ASAP1: variants seen among roughly 807,000 people sequenced by gnomAD.
ASAP1 encodes the protein ArfGAP with SH3 domain, ankyrin repeat and PH domain 1.
Under a neutral mutation model 145.2 loss-of-function variants are expected in ASAP1, and 43 were observed. That is an observed-to-expected ratio of 0.30 (90% CI 0.23 to 0.38). The LOEUF is 0.38. ASAP1 is among the 10% of genes least tolerant of loss of function. ASAP1 has a pLI of 1.00. For missense variants in ASAP1, 1,018 were observed against 1,355.3 expected (o/e 0.75, Z 3.91); for synonymous variants, 546 against 515.5 (o/e 1.06, Z -0.80).
chr8:130,259,802 T>C (rs1819783336), intron 3 of ASAP1, among the ~76,000 whole-genome samples: 3 of 152,182 alleles, frequency 2.0e-5, no homozygotes, highest in Non-Finnish European at 4.4e-5. Context: ...TTTAATTCAA[T>C]GAACTTCACA....
At chr8:130,072,336 G>A (rs1231130871) in intron 27 of ASAP1, among the ~76,000 whole-genome samples, 1 of 152,130 alleles carries the variant, frequency 6.6e-6, no homozygotes, top group Non-Finnish European at 1.5e-5. Context: ...AATCATGGGG[G>A]CAGTTCCCCC....
intron 3 of ASAP1, among the ~76,000 whole-genome samples, chr8:130,342,029 A>T (rs1825416024): frequency 1.3e-5 from 2 of 152,150 alleles, no homozygotes; most frequent in South Asian, 4.1e-4. Context: ...AGGCATTTAT[A>T]CCTTTGAGTG....
rs1586856054 is a variant in ASAP1, at chr8:130,337,389, A to ACCCT, written c.186+20627_186+20628insAGGG. On this transcript the variant is annotated intron_variant, in intron 3 of 29. Transcript: ENST00000518721. ...CACCTGCATTTGATTCCTCATTGAT[A>ACCCT]ATCAAGGCAACTTTTTGCTTTTTTA... is the stretch of plus-strand genomic sequence containing the variant. Among the ~76,000 whole-genome samples the ACCCT allele has an allele frequency of 2.0e-5, 3 of 152,334 alleles. No individual in the cohort carries two copies. The East Asian group carries it at 5.8e-4, about 29-fold the overall frequency.
chr8:130,300,153 C>CACACAGAGAGAGAGAGAGAG (rs1196584279), intron 3 of ASAP1, among the ~76,000 whole-genome samples: 21 of 76,914 alleles, frequency 2.7e-4, no homozygotes, highest in Admixed American at 1.2e-3. Flanking sequence ...CACACACACA[C>CACACAGAGAGAGAGAGAGAG]AGAGAGAGAG....
Position 130,358,795 on chromosome 8 carries a change from A to G in ASAP1, c.60-652T>C, listed in dbSNP as rs1191089676. ...CACAGCCCCTGGGGCCTGGCTCCGA[A>G]GCTGCCGCTCCCGACCCCGGCTGCG... On this transcript the variant is annotated intron_variant, in intron 2 of 29. Coordinates refer to ENST00000518721, the MANE Select transcript of ASAP1 (RefSeq NM_018482.4). This position sits in a 1 kb window ranked among gnomAD's most constrained non-coding sequence, Gnocchi z 4.1. 2.7e-5 allele frequency among the ~76,000 whole-genome samples: 4 copies of G among 148,210 alleles called. No individual in the cohort carries two copies. The highest frequency in any genetic ancestry group is 4.5e-5 in the Non-Finnish European group (3 of 66,766).
intron 7 of ASAP1, among the ~76,000 whole-genome samples, chr8:130,184,827 T>C (rs1016650463): frequency 1.3e-5 from 2 of 152,232 alleles, no homozygotes; most frequent in Non-Finnish European, 2.9e-5. Context: ...CTGTGACAAC[T>C]GCTTCAACAC....
intron 3 of ASAP1, among the ~76,000 whole-genome samples, chr8:130,294,969 T>A (rs1822173779): frequency 6.6e-6 from 1 of 152,110 alleles, no homozygotes; most frequent in Non-Finnish European, 1.5e-5. Flanking sequence ...AGAGGAATAA[T>A]AAAAATGTCC....
chr8:130,170,783 G>T (rs1318828742), intron 9 of ASAP1, among the ~76,000 whole-genome samples: 1 of 152,098 alleles, frequency 6.6e-6, no homozygotes, highest in Non-Finnish European at 1.5e-5. Context: ...ACACTGGAGT[G>T]CAGTGGCTCA....
At chr8:130,308,717 A>G (rs12679283) in intron 3 of ASAP1, among the ~76,000 whole-genome samples, 28,341 of 152,164 alleles carry the variant, frequency 0.19, 3,319 homozygotes, top group East Asian at 0.44. Flanking sequence ...CCCTCAGTAC[A>G]TATCAACTAA....
At chr8:130,327,035 T>G (rs1004541012) in intron 3 of ASAP1, among the ~76,000 whole-genome samples, 2 of 152,208 alleles carry the variant, frequency 1.3e-5, no homozygotes, top group African/African-American at 4.8e-5. Context: ...AGGCAGCATC[T>G]GAGTAGCTAA....
intron 3 of ASAP1, among the ~76,000 whole-genome samples, chr8:130,289,207 C>G (rs909291960): frequency 1.4e-5 from 2 of 146,532 alleles, no homozygotes; most frequent in Non-Finnish European, 3.0e-5. Context: ...CAAAAACAAA[C>G]AAAAAAAAAA....
At chr8:130,367,713 A>C (rs1445766831) in intron 2 of ASAP1, among the ~76,000 whole-genome samples, 1 of 152,190 alleles carries the variant, frequency 6.6e-6, no homozygotes, top group Non-Finnish European at 1.5e-5. Flanking sequence ...AACTCCAAAC[A>C]CAAAGAGGTC....
In ASAP1 at chr8:130,187,419, C is replaced by T. The variant is rs1015453462; in HGVS notation, c.481-134G>A. The T allele has an allele frequency of 1.2e-5, 8 of 691,128 alleles. No homozygotes were observed. The South Asian group carries it at 1.3e-4, about 12-fold the overall frequency. 42.8% of individuals were successfully genotyped at this position (691,128 alleles called of 1,614,324 possible). ...GAACTTCACTTTATGCACGTTACAC[C>T]ATTTTTTTTTTTTTTTGACAGGGTC... is the stretch of plus-strand genomic sequence containing the variant. On this transcript the variant is annotated intron_variant, in intron 6 of 29. Transcript: ENST00000518721.
chr8:130,344,085 C>T (rs577583348), intron 3 of ASAP1, among the ~76,000 whole-genome samples: 37 of 152,048 alleles, frequency 2.4e-4, no homozygotes, highest in Non-Finnish European at 4.7e-4. Context: ...CTGTAGCTTA[C>T]GTTAAATGAC....
In ASAP1 at chr8:130,118,641, C is replaced by T. The variant is rs777046975; in HGVS notation, c.1642G>A (p.Val548Ile). 6.2e-7 allele frequency: 1 copy of T among 1,613,540 alleles called. No homozygotes were observed. Among genetic ancestry groups the T allele is most frequent in the South Asian group, 1.1e-5 (1 of 91,038 alleles). Residue 548 changes from valine (V) to isoleucine (I), a missense_variant, in exon 19 of 30, where the codon GTA (valine) becomes ATA (isoleucine). Transcript: ENST00000518721. The part of the protein sequence containing the change: ...VRKEYITAKY[V>I]DHRFSRKTCS... ...GTCTTCCTTGAAAACCTATGATCTA[C>T]ATACTTTGCAGTGATATATTCTTTT...
intron 3 of ASAP1, among the ~76,000 whole-genome samples, chr8:130,308,672 T>C (rs1248722256): frequency 6.6e-6 from 1 of 152,234 alleles, no homozygotes; most frequent in Non-Finnish European, 1.5e-5. Flanking sequence ...TTTCAACATC[T>C]ATATTTTTGA....
Position 130,118,532 on chromosome 8 carries a change from G to C in ASAP1, c.1751C>G (p.Ala584Gly), listed in dbSNP as rs2097560168. The change falls in exon 19 of 30, where the codon GCA becomes GGA. Residue 584 changes from alanine (A) to glycine (G), a missense_variant. Around this residue, in one of 9 missense-constraint regions of ASAP1, gnomAD observed 353 missense variants for 375.4 expected, o/e 0.94. Transcript: ENST00000518721. ...TGGTTCCATTAGCTCTACCCCTTCT[G>C]CATAGACTTGAATTAGTGCAAGTAA... ...RDLLALIQVY[A>G]EGVELMEPLL... The C allele has an allele frequency of 6.2e-7, 1 of 1,613,996 alleles. No homozygotes were observed. The highest frequency in any genetic ancestry group is 2.2e-5 in the East Asian group (1 of 44,864).
chr8:130,177,333 C>T (rs552448006), intron 9 of ASAP1, among the ~76,000 whole-genome samples: 1 of 152,312 alleles, frequency 6.6e-6, no homozygotes, highest in South Asian at 2.1e-4. Context: ...TCCTTATAAA[C>T]TTAGAGAATT....
Position 130,054,182 on chromosome 8 carries a change from C to T in ASAP1, c.*549G>A, listed in dbSNP as rs1042806856. The T allele has an allele frequency of 6.5e-6, 1 of 153,904 alleles. No homozygotes were observed. The highest frequency in any genetic ancestry group is 1.5e-5 in the Non-Finnish European group (1 of 68,904). 9.5% of individuals were successfully genotyped at this position (153,904 alleles called of 1,614,324 possible). ...TGAATATTTTGCTGAAGGAATAACA[C>T]TTACATTTAACTGAGCACTTTTCTG... On this transcript the variant is annotated 3_prime_UTR_variant, in exon 30 of 30. Coordinates refer to ENST00000518721, the MANE Select transcript of ASAP1 (RefSeq NM_018482.4).
Sources: allele counts gnomAD v4.1 joint callset (sites outside exome capture counted in the v4.1 genomes callset), GRCh38; gene constraint gnomAD v4.1.1; regional missense constraint gnomAD v4.1.1; non-coding constraint Gnocchi (gnomAD v3.1); transcripts MANE v1.5; gene names NCBI Gene and HGNC (gene_info 2026-07-23, HGNC 2026-07-21).